The following RIN3 variants were observed in gnomAD, a reference collection of about 807,000 sequenced individuals.
The protein encoded by RIN3 is RAB5 interacting protein 3.
Under a neutral mutation model 76.3 loss-of-function variants are expected in RIN3, and 54 were observed. The observed-to-expected ratio is 0.71, with a 90% CI of 0.57 to 0.89. The LOEUF is 0.89. Ranked by LOEUF, RIN3 falls within the 40% of genes least tolerant of loss-of-function variation. The pLI is 0.00. For missense variants in RIN3, 1,256 were observed against 1,322.1 expected (o/e 0.95, Z 0.78); for synonymous variants, 576 against 564.0 (o/e 1.02, Z -0.30).
chr14:92,527,329 GGCGTGAGCCACT>G (rs1320079157), intron 1 of RIN3, among the ~76,000 whole-genome samples: 1 of 152,110 alleles, frequency 6.6e-6, no homozygotes, highest in Non-Finnish European at 1.5e-5. Flanking sequence ...TGGGATTACA[GGCGTGAGCCACT>G]GCACCTGGCC....
At chr14:92,527,864 G>A (rs1411623576) in intron 1 of RIN3, among the ~76,000 whole-genome samples, 1 of 152,152 alleles carries the variant, frequency 6.6e-6, no homozygotes, top group Non-Finnish European at 1.5e-5. Context: ...ATTTCGTTGT[G>A]TGGATCTACC....
intron 4 of RIN3, among the ~76,000 whole-genome samples, chr14:92,638,155 C>T (rs1886843122): frequency 6.6e-6 from 1 of 152,104 alleles, no homozygotes; most frequent in African/African-American, 2.4e-5. Context: ...GACCCTTGCA[C>T]CCCAGGTCAT....
At chr14:92,546,943 A>G (rs535195414) in intron 1 of RIN3, among the ~76,000 whole-genome samples, 32 of 150,684 alleles carry the variant, frequency 2.1e-4, no homozygotes, top group Non-Finnish European at 3.5e-4. Flanking sequence ...AGGTATTACC[A>G]GCTCCATTGT....
chr14:92,618,905 A>G (rs1387285436), intron 4 of RIN3, among the ~76,000 whole-genome samples: 1 of 152,220 alleles, frequency 6.6e-6, no homozygotes, highest in Non-Finnish European at 1.5e-5. Context: ...CTGGTTCTCC[A>G]TGAGGCCATG....
chr14:92,596,561 A>G (rs924561490), intron 3 of RIN3, among the ~76,000 whole-genome samples: 4 of 152,252 alleles, frequency 2.6e-5, no homozygotes, highest in Non-Finnish European at 5.9e-5. Context: ...GAGAGGAAGT[A>G]GAGGAGTTAA....
chr14:92,524,000 C>G (rs1896662305), intron 1 of RIN3, among the ~76,000 whole-genome samples: 1 of 152,248 alleles, frequency 6.6e-6, no homozygotes, highest in Middle Eastern at 3.4e-3. Flanking sequence ...CAAGACCAGA[C>G]TGGGCAACAC....
chr14:92,578,948 A>G (rs575590406), intron 3 of RIN3, among the ~76,000 whole-genome samples: 3 of 149,050 alleles, frequency 2.0e-5, no homozygotes, highest in South Asian at 2.1e-4. Flanking sequence ...TTTTTTTGAG[A>G]TGGAGTTTCG....
At chr14:92,539,769 A>C (rs1271855340) in intron 1 of RIN3, among the ~76,000 whole-genome samples, 1 of 152,158 alleles carries the variant, frequency 6.6e-6, no homozygotes, top group Non-Finnish European at 1.5e-5. Context: ...AACTCAGTCC[A>C]GGTTCCTAGG....
intron 3 of RIN3, among the ~76,000 whole-genome samples, chr14:92,582,462 C>T (rs78626965): frequency 0.63 from 76,586 of 121,002 alleles, 22,929 homozygotes; most frequent in Non-Finnish European, 0.71. Context: ...TTTTTTTTTT[C>T]CCTGAGATGG....
chr14:92,551,664 C>T (rs1477920156), intron 1 of RIN3, among the ~76,000 whole-genome samples: 4 of 152,136 alleles, frequency 2.6e-5, no homozygotes, highest in African/African-American at 9.7e-5. Context: ...GCCGTGGTAT[C>T]GCATTGTGGT....
chr14:92,614,844 C>CTTTT (rs71301939), intron 3 of RIN3, among the ~76,000 whole-genome samples: 3 of 118,232 alleles, frequency 2.5e-5, no homozygotes, highest in African/African-American at 6.8e-5. Flanking sequence ...TCTGGTATGT[C>CTTTT]TTTTTTTTTT....
chr14:92,671,216 G>C (rs1210843538), intron 7 of RIN3, among the ~76,000 whole-genome samples: 1 of 152,182 alleles, frequency 6.6e-6, no homozygotes, highest in Non-Finnish European at 1.5e-5. Flanking sequence ...GGCAGGCTCT[G>C]AATCAGTCAA....
chr14:92,654,293 G>A (rs191318185), intron 6 of RIN3, among the ~76,000 whole-genome samples: 2,051 of 149,314 alleles, frequency 0.014, 47 homozygotes, highest in African/African-American at 0.047. Context: ...CAGCCTGGGC[G>A]ACAAGAGCAA....
At chr14:92,524,859 G>A (rs573724940) in intron 1 of RIN3, among the ~76,000 whole-genome samples, 3 of 152,334 alleles carry the variant, frequency 2.0e-5, no homozygotes, top group East Asian at 1.9e-4. Flanking sequence ...TCCATGGCAC[G>A]AGGCCCCAGA....
At chr14:92,542,749 T>C (rs536437729) in intron 1 of RIN3, among the ~76,000 whole-genome samples, 8 of 152,274 alleles carry the variant, frequency 5.3e-5, no homozygotes, top group African/African-American at 1.7e-4. Flanking sequence ...AAGTGAAACA[T>C]TGATATAGAA....
chr14:92,518,508 G>A (rs1160184608), intron 1 of RIN3, among the ~76,000 whole-genome samples: 1 of 152,178 alleles, frequency 6.6e-6, no homozygotes, highest in Admixed American at 6.5e-5. Flanking sequence ...CCACCACAAG[G>A]CTACCACACT....
At chr14:92,673,117 C>T (rs1888342739) in intron 7 of RIN3, among the ~76,000 whole-genome samples, 1 of 151,678 alleles carries the variant, frequency 6.6e-6, no homozygotes, top group Non-Finnish European at 1.5e-5. Flanking sequence ...CCTGTCTCTA[C>T]CAAAAATACA....
chr14:92,606,750 A>G (rs573072747), intron 3 of RIN3, among the ~76,000 whole-genome samples: 1 of 152,360 alleles, frequency 6.6e-6, no homozygotes, highest in African/African-American at 2.4e-5. Flanking sequence ...AAAAAGATGG[A>G]CAATAACAAG....
intron 4 of RIN3, among the ~76,000 whole-genome samples, chr14:92,621,491 A>G (rs1751535082): frequency 6.6e-6 from 1 of 152,210 alleles, no homozygotes; most frequent in Non-Finnish European, 1.5e-5. Flanking sequence ...ATTAAGGAAT[A>G]CATGAATACA....
Sources: allele counts gnomAD v4.1 joint callset (sites outside exome capture counted in the v4.1 genomes callset), GRCh38; gene constraint gnomAD v4.1.1; transcripts MANE v1.5; gene names NCBI Gene and HGNC (gene_info 2026-07-23, HGNC 2026-07-21).